The following HDAC11 variants were observed in gnomAD, a reference collection of about 807,000 sequenced individuals.
The protein encoded by HDAC11 is histone deacetylase 11.
A neutral mutation model predicts 41.1 loss-of-function variants in HDAC11; 23 were observed. The ratio of observed to expected loss-of-function variants is 0.56; its 90% CI spans 0.40 to 0.79. HDAC11 has a LOEUF of 0.79. Ranked by LOEUF, HDAC11 falls within the 30% of genes least tolerant of loss-of-function variation. The pLI, the probability that HDAC11 is intolerant of heterozygous loss-of-function variation, is 0.00. For missense variants in HDAC11, 402 were observed against 477.3 expected (o/e 0.84, Z 1.47); for synonymous variants, 187 against 186.6 (o/e 1.00, Z -0.02).
chr3:13,501,206 G>A (rs184727946), intron 6 of HDAC11, among the ~76,000 whole-genome samples: 41 of 152,308 alleles, frequency 2.7e-4, no homozygotes, highest in African/African-American at 6.7e-4. Context: ...CTGAATCCTC[G>A]CAGACAGACA....
At chr3:13,490,055 G>A (rs539142071) in intron 3 of HDAC11, among the ~76,000 whole-genome samples, 10 of 149,592 alleles carry the variant, frequency 6.7e-5, no homozygotes, top group African/African-American at 1.7e-4. Context: ...GTGCAATGGC[G>A]CGATCTCGGC....
At chr3:13,488,267 T>TA (rs1367975393) in intron 3 of HDAC11, among the ~76,000 whole-genome samples, 1 of 152,120 alleles carries the variant, frequency 6.6e-6, no homozygotes, top group Non-Finnish European at 1.5e-5. Context: ...TTAATTGTGG[T>TA]AAAATTTACA....
intron 5 of HDAC11, among the ~76,000 whole-genome samples, chr3:13,500,378 C>T (rs980984829): frequency 3.9e-5 from 6 of 152,190 alleles, no homozygotes; most frequent in African/African-American, 1.4e-4. Context: ...CCCATACCAC[C>T]ACTCCTTCCT....
intron 3 of HDAC11, among the ~76,000 whole-genome samples, chr3:13,495,627 G>A (rs556138678): frequency 6.6e-6 from 1 of 152,256 alleles, no homozygotes; most frequent in East Asian, 1.9e-4. Flanking sequence ...GCTTGGGACA[G>A]CACCATCTAT....
intron 3 of HDAC11, among the ~76,000 whole-genome samples, chr3:13,487,873 GC>G (rs1320581703): frequency 6.6e-6 from 1 of 152,036 alleles, no homozygotes; most frequent in Non-Finnish European, 1.5e-5. Flanking sequence ...GTTAGATGGT[GC>G]TGAGTGTCGT....
At position 13,496,717 on chromosome 3, in the gene HDAC11, C is replaced by A; in HGVS notation, c.253-19C>A. On this transcript the variant is annotated intron_variant, in intron 3 of 9. Transcript: ENST00000295757. ...AGGGTGGGGAAGCGGAGGCCAACAG[C>A]CCCTGTCTTTTTCCGCAGTGGTCCT... 1 of 1,539,154 alleles carries A rather than the reference C, an allele frequency of 6.5e-7. No individual in the cohort carries two copies. Among genetic ancestry groups the A allele is most frequent in the South Asian group, 1.1e-5 (1 of 87,058 alleles).
At chr3:13,497,063 A>T (rs1366217006) in intron 4 of HDAC11, among the ~76,000 whole-genome samples, 1 of 152,024 alleles carries the variant, frequency 6.6e-6, no homozygotes, top group Non-Finnish European at 1.5e-5. Flanking sequence ...TCCTTCTCCT[A>T]TGACCTCCTA....
In HDAC11 at chr3:13,480,394, C is replaced by A; in HGVS notation, c.2+45C>A. On this transcript the variant is annotated intron_variant, in intron 1 of 9. Transcript: ENST00000295757. This position sits in a 1 kb window ranked among gnomAD's most constrained non-coding sequence, Gnocchi z 4.6. ...GGCGGGGGTGGGCTCCCAGGGGTCCCGGTGGGCGGGCGCGCTAGGGCGAGG... is the reference window on the plus strand; with the variant it reads ...GGCGGGGGTGGGCTCCCAGGGGTCCAGGTGGGCGGGCGCGCTAGGGCGAGG... 9.2e-7 allele frequency: 1 copy of A among 1,087,518 alleles called. No homozygotes were observed. Among genetic ancestry groups the A allele is most frequent in the Non-Finnish European group, 1.2e-6 (1 of 867,162 alleles). 67.4% of individuals were successfully genotyped at this position (1,087,518 alleles called of 1,614,324 possible).
Position 13,502,918 on chromosome 3 carries a change from A to G in HDAC11, c.587A>G (p.Lys196Arg). 1.2e-6 allele frequency: 2 copies of G among 1,613,640 alleles called. No individual in the cohort carries two copies. Among genetic ancestry groups the G allele is most frequent in the Non-Finnish European group, 1.7e-6 (2 of 1,179,962 alleles). The change falls in exon 8 of 10, where the codon AAG becomes AGG. Residue 196 changes from lysine (K) to arginine (R), a missense_variant. Coordinates refer to ENST00000295757, the MANE Select transcript of HDAC11 (RefSeq NM_024827.4). This position sits in a 1 kb window ranked among gnomAD's most constrained non-coding sequence, Gnocchi z 4.1. ...CATGAGCGAGACTTCATGGACGACA[A>G]GCGTGTGTACATCATGGATGTCTAC... ...NGHERDFMDD[K>R]RVYIMDVYNR...
Position 13,481,170 on chromosome 3 carries a change from T to C in HDAC11, c.3-76T>C, listed in dbSNP as rs1049730645. 2.0e-6 allele frequency: 3 copies of C among 1,498,566 alleles called. No homozygotes were observed. The Admixed American group carries it at 5.9e-5, about 30-fold the overall frequency. The allele number at this position is 1,498,566 out of a possible 1,614,324, so 92.8% of individuals were successfully genotyped here. The stretch of plus-strand genomic sequence containing the variant: ...TGCTGGGCAATGGCTGGTGGGTCAG[T>C]CCAGGCGGGCTCGGGAGGGAGCTGC... On this transcript the variant is annotated intron_variant, in intron 1 of 9. Transcript: ENST00000295757.
At position 13,480,818 on chromosome 3, in the gene HDAC11, C is replaced by T. The variant is rs1226288967; in HGVS notation, c.3-428C>T. ...TTCTGAGTGCTTACTGTGCTCAGCT[C>T]CTCAGTTGCATTCTCTGAGTCCTCA... On this transcript the variant is annotated intron_variant, in intron 1 of 9. Transcript: ENST00000295757. This position sits in a 1 kb window ranked among gnomAD's most constrained non-coding sequence, Gnocchi z 4.6. 2 of 412,662 alleles carry T rather than the reference C, an allele frequency of 4.8e-6. No homozygotes were observed. The highest frequency in any genetic ancestry group is 2.1e-5 in the African/African-American group (1 of 48,128). 25.6% of individuals were successfully genotyped at this position (412,662 alleles called of 1,614,324 possible). A position where few individuals can be genotyped will look rare whatever the true frequency, so the allele number is the denominator to read the frequency against.
At chr3:13,501,997 G>T in intron 7 of HDAC11, 64 bp downstream of exon 7, 1 of 1,406,330 alleles carries the variant, frequency 7.1e-7, no homozygotes, top group Non-Finnish European at 1.0e-6. Flanking sequence ...GAATCTTCCC[G>T]GGGCAGGAGA....
intron 8 of HDAC11, 131 bp downstream of exon 8, chr3:13,503,111 T>A: frequency 1.6e-6 from 1 of 627,620 alleles, no homozygotes; most frequent in East Asian, 2.8e-5. Context: ...GGTGATCCTT[T>A]CCATTTTACA....
chr3:13,481,838 C>G (rs2597510), intron 2 of HDAC11, among the ~76,000 whole-genome samples: 76,046 of 152,024 alleles, frequency 0.5, 19,856 homozygotes, highest in African/African-American at 0.66. Context: ...CAGCAGCCCT[C>G]GGGGTAGGCA....
At chr3:13,494,805 G>T (rs1702020065) in intron 3 of HDAC11, among the ~76,000 whole-genome samples, 1 of 152,142 alleles carries the variant, frequency 6.6e-6, no homozygotes, top group Non-Finnish European at 1.5e-5. Flanking sequence ...GGCACCCCCA[G>T]GACTATGACA....
Position 13,481,345 on chromosome 3 carries a change from G to C in HDAC11, c.102G>C (p.Leu34=), listed in dbSNP as rs1456491347. The C allele has an allele frequency of 2.5e-6, 4 of 1,614,074 alleles. No individual in the cohort carries two copies. The highest frequency in any genetic ancestry group is 1.7e-4 in the Middle Eastern group (1 of 6,000). ...YNITFMGLEK[L]HPFDAGKWGK... ...TCACCTTCATGGGCCTGGAGAAGCT[G>C]CATCCCTTTGATGCCGGAAAATGGG... The change falls in exon 2 of 10, where the codon CTG becomes CTC. Residue 34 remains leucine, a synonymous_variant. Transcript: ENST00000295757.
At position 13,481,346 on chromosome 3, in the gene HDAC11, C is replaced by T; in HGVS notation, c.103C>T (p.His35Tyr). The change falls in exon 2 of 10, where the codon CAT (histidine) becomes TAT (tyrosine). Residue 35 changes from histidine to tyrosine, a missense_variant. His to Tyr is a moderately conservative substitution (Grantham distance 83). Transcript: ENST00000295757. ...NITFMGLEKL[H>Y]PFDAGKWGKV... The stretch of plus-strand genomic sequence containing the variant: ...CACCTTCATGGGCCTGGAGAAGCTG[C>T]ATCCCTTTGATGCCGGAAAATGGGG... 6.2e-7 allele frequency: 1 copy of T among 1,614,100 alleles called. No individual in the cohort carries two copies. Among genetic ancestry groups the T allele is most frequent in the East Asian group, 2.2e-5 (1 of 44,890 alleles).
intron 6 of HDAC11, chr3:13,501,645 CCCT>C (rs770803667): frequency 6.6e-5 from 47 of 707,862 alleles, no homozygotes; most frequent in Admixed American, 6.5e-4. Flanking sequence ...AGGACATGCC[CCCT>C]CCTCCAGGGA....
chr3:13,495,874 TCTC>T (rs1274698323), intron 3 of HDAC11, among the ~76,000 whole-genome samples: 1 of 152,092 alleles, frequency 6.6e-6, no homozygotes, highest in Non-Finnish European at 1.5e-5. Flanking sequence ...CCCACCCAGT[TCTC>T]CTCTTCATCA....
Sources: allele counts gnomAD v4.1 joint callset (sites outside exome capture counted in the v4.1 genomes callset), GRCh38; gene constraint gnomAD v4.1.1; non-coding constraint Gnocchi (gnomAD v3.1); transcripts MANE v1.5; gene names NCBI Gene and HGNC (gene_info 2026-07-23, HGNC 2026-07-21).